The following OR52I2 variants were observed in gnomAD, a reference collection of about 807,000 sequenced individuals.
OR52I2 encodes the protein olfactory receptor 52I2.
For missense variants in OR52I2, 350 were observed against 402.4 expected (o/e 0.87, Z 1.11); for synonymous variants, 147 against 151.9 (o/e 0.97, Z 0.24).
rs373352913 is a variant in OR52I2 at position 4,586,896 on chromosome 11, G to A, written c.6G>A (p.Leu2=). Reference sequence around the variant, plus strand: ...GGAAAAAAGTCTCACTTGTGATGCTGGGTCCAGCTTATAACCACACAATGG... The same window carrying A: ...GGAAAAAAGTCTCACTTGTGATGCTAGGTCCAGCTTATAACCACACAATGG... Residue 2 remains leucine, a synonymous_variant, in exon 2 of 2, where the codon CTG becomes CTA. Transcript: ENST00000641896. 3.7e-6 allele frequency: 6 copies of A among 1,614,122 alleles called. No individual in the cohort carries two copies. The Admixed American group carries it at 6.7e-5, about 18-fold the overall frequency.
At chr11:4,583,283 C>T (rs1247306474) in intron 1 of OR52I2, among the ~76,000 whole-genome samples, 1 of 149,288 alleles carries the variant, frequency 6.7e-6, no homozygotes, top group Non-Finnish European at 1.5e-5. Flanking sequence ...AAAAAAAACC[C>T]ACCACTCTCG....
Position 4,587,321 on chromosome 11 carries a change from T to C in OR52I2, c.431T>C (p.Val144Ala), listed in dbSNP as rs1228837737. ...TACAAGAGAATTCTCACGCCTCAAG[T>C]GATGCTGGGAATGAGTATGGCCATC... Residue 144 changes from valine (V) to alanine (A), a missense_variant, in exon 2 of 2, where the codon GTG (valine) becomes GCG (alanine). Physicochemically the swap from Val to Ala is moderately conservative, Grantham distance 64. Transcript: ENST00000641896. The C allele has an allele frequency of 3.7e-6, 6 of 1,613,136 alleles. No individual in the cohort carries two copies. Among genetic ancestry groups the C allele is most frequent in the Non-Finnish European group, 5.1e-6 (6 of 1,179,976 alleles).
At chr11:4,582,841 A>C (rs1443315188) in intron 1 of OR52I2, among the ~76,000 whole-genome samples, 1 of 152,204 alleles carries the variant, frequency 6.6e-6, no homozygotes, top group Non-Finnish European at 1.5e-5. Flanking sequence ...ATGTCTTAGG[A>C]GAACTTGGAC....
chr11:4,586,704 G>A, intron 1 of OR52I2, 168 bp from the exon 2 acceptor site: 1 of 870,432 alleles, frequency 1.1e-6, no homozygotes, highest in Non-Finnish European at 1.8e-6. Context: ...TGGAAGGGAA[G>A]AATATTAAGG....
exon 2 of OR52I2, chr11:4,592,499 TGAA>T (rs528696244): frequency 2.5e-4 from 38 of 152,274 alleles, no homozygotes; most frequent in Admixed American, 2.2e-3. Context: ...AGGGGTTCCA[TGAA>T]GAAGATTAAC....
chr11:4,591,697 A>G (rs1428930785), exon 2 of OR52I2: 1 of 152,226 alleles, frequency 6.6e-6, no homozygotes, highest in Non-Finnish European at 1.5e-5. Context: ...CCTGGAAAAA[A>G]TATTTTTCAT....
intron 1 of OR52I2, 96 bp from the exon 2 acceptor site, chr11:4,586,776 C>T (rs377292270): frequency 1.9e-6 from 3 of 1,570,572 alleles, no homozygotes; most frequent in Admixed American, 1.7e-5. Context: ...GAGATTACCA[C>T]CAAGCTGAGA....
exon 2 of OR52I2, chr11:4,593,110 T>TTA (rs959578014): frequency 6.6e-5 from 10 of 152,320 alleles, no homozygotes; most frequent in Non-Finnish European, 1.5e-4. Flanking sequence ...TTTAACATAG[T>TTA]ACTGGCACAT....
At chr11:4,588,354 CTT>C (rs1564860676) in exon 2 of OR52I2, 1 of 160,484 alleles carries the variant, frequency 6.2e-6, no homozygotes, top group African/African-American at 2.4e-5. Flanking sequence ...ACACTAGAAA[CTT>C]TATAGCTTGT....
chr11:4,582,243 T>C (rs1846262787), intron 1 of OR52I2, among the ~76,000 whole-genome samples: 1 of 151,736 alleles, frequency 6.6e-6, no homozygotes. Context: ...AGGCACAGGG[T>C]TGTCATAAAG....
chr11:4,587,481 G>T (rs370066586), exon 2 of OR52I2: 1 of 1,614,190 alleles, frequency 6.2e-7, no homozygotes, highest in Admixed American at 1.7e-5. Flanking sequence ...CTGACCCCGT[G>T]CCCAGCAGTC....
chr11:4,592,021 A>C (rs969737389), exon 2 of OR52I2: 15 of 152,210 alleles, frequency 9.9e-5, no homozygotes, highest in Middle Eastern at 3.2e-3. Context: ...GAAATTCTTC[A>C]GGCAATGCAG....
intron 1 of OR52I2, among the ~76,000 whole-genome samples, chr11:4,583,626 C>T (rs924302524): frequency 4.6e-5 from 7 of 152,182 alleles, no homozygotes; most frequent in Non-Finnish European, 1.0e-4. Flanking sequence ...AGATGTCTCG[C>T]CCAGTGTCCC....
At chr11:4,585,449 G>A (rs1449015122) in intron 1 of OR52I2, among the ~76,000 whole-genome samples, 1 of 152,160 alleles carries the variant, frequency 6.6e-6, no homozygotes, top group Non-Finnish European at 1.5e-5. Flanking sequence ...ATCCTAAGGA[G>A]AAAGTAACTA....
At chr11:4,585,081 CTG>C (rs1846288798) in intron 1 of OR52I2, among the ~76,000 whole-genome samples, 1 of 152,134 alleles carries the variant, frequency 6.6e-6, no homozygotes, top group Non-Finnish European at 1.5e-5. Context: ...GATGAAGAAA[CTG>C]GGGCTTGGTG....
At position 4,586,619 on chromosome 11, in the gene OR52I2, G is replaced by C. The variant is rs74594853; in HGVS notation, c.-19-253G>C. Among the ~76,000 whole-genome samples the C allele has an allele frequency of 3.9e-5, 6 of 152,220 alleles. No individual in the cohort carries two copies. The South Asian group carries it at 1.2e-3, about 32-fold the overall frequency. The stretch of plus-strand genomic sequence containing the variant: ...AGCTCAGATGAAAGGGTATGGAATG[G>C]GGAAGGAAGAAAGCAGAAAAGGCTT... On this transcript the variant is annotated intron_variant, in intron 1 of 1. Transcript: ENST00000641896.
chr11:4,591,357 ATAG>A (rs1450986038), exon 2 of OR52I2: 1 of 152,224 alleles, frequency 6.6e-6, no homozygotes, highest in Non-Finnish European at 1.5e-5. Context: ...ACAGGAAGCG[ATAG>A]TTAAAGCAGG....
At chr11:4,587,481 G>A (rs370066586) in exon 2 of OR52I2, 1 of 1,614,190 alleles carries the variant, frequency 6.2e-7, no homozygotes, top group African/African-American at 1.3e-5. Flanking sequence ...CTGACCCCGT[G>A]CCCAGCAGTC....
chr11:4,587,171 G>C (rs1846309204), exon 2 of OR52I2: 2 of 1,614,042 alleles, frequency 1.2e-6, no homozygotes. Flanking sequence ...TCAGGAGACA[G>C]CTCAATCAGC....
Sources: gnomAD v4.1 joint callset for allele counts (sites outside exome capture counted in the v4.1 genomes callset) on GRCh38, gnomAD v4.1.1 for gene constraint, MANE v1.5 for transcripts, NCBI Gene and HGNC (gene_info 2026-07-23, HGNC 2026-07-21) for gene names.